Variants in PTPN12 observed in about 807,000 individuals in gnomAD.
The protein encoded by PTPN12 is protein tyrosine phosphatase non-receptor type 12.
Under a neutral mutation model 97.6 loss-of-function variants are expected in PTPN12, and 29 were observed. That is an observed-to-expected ratio of 0.30 (90% CI 0.22 to 0.41). The LOEUF (loss-of-function observed/expected upper bound fraction) is 0.41, where lower values mean the gene tolerates loss of function less well. Among genes scored for constraint, PTPN12 ranks in the 10% least tolerant of loss-of-function variants. The probability of loss-of-function intolerance (pLI) is 1.00; values close to 1 mark genes in which losing one functional copy is unlikely to be tolerated. For synonymous variants in PTPN12, 327 were observed against 300.4 expected (o/e 1.09, Z -0.91); for missense variants, 819 against 926.0 (o/e 0.88, Z 1.50).
intron 11 of PTPN12, among the ~76,000 whole-genome samples, chr7:77,611,357 TC>T (rs1189718774): frequency 6.6e-6 from 1 of 152,252 alleles, no homozygotes; most frequent in Non-Finnish European, 1.5e-5. Context: ...ACTCTTCCCT[TC>T]CACCCCCACC....
intron 1 of PTPN12, among the ~76,000 whole-genome samples, chr7:77,559,187 T>C (rs750917471): frequency 6.6e-6 from 1 of 152,260 alleles, no homozygotes; most frequent in Non-Finnish European, 1.5e-5. Flanking sequence ...TCACACATGT[T>C]GTCACAACTT....
chr7:77,635,925 AAT>A, intron 15 of PTPN12, 76 bp downstream of exon 15: 1 of 937,488 alleles, frequency 1.1e-6, no homozygotes, highest in East Asian at 2.8e-5. Flanking sequence ...CAGTTGTTGA[AAT>A]AGCTGTCATC....
chr7:77,561,592 T>C (rs1235541695), intron 1 of PTPN12, among the ~76,000 whole-genome samples: 2 of 152,152 alleles, frequency 1.3e-5, no homozygotes, highest in Non-Finnish European at 2.9e-5. Context: ...CAAGTGACTC[T>C]TCCTGTGCTA....
chr7:77,584,862 G>A (rs1040737878), intron 4 of PTPN12, among the ~76,000 whole-genome samples: 2 of 150,488 alleles, frequency 1.3e-5, no homozygotes, highest in Non-Finnish European at 2.9e-5. Context: ...GGGCGACAGA[G>A]CGAGACTCCG....
At chr7:77,546,680 A>G (rs1250266964) in intron 1 of PTPN12, among the ~76,000 whole-genome samples, 2 of 152,202 alleles carry the variant, frequency 1.3e-5, no homozygotes, top group Admixed American at 6.5e-5. Flanking sequence ...TCACACTGCT[A>G]TGAAGAACTG....
intron 8 of PTPN12, 112 bp from the exon 9 acceptor site, chr7:77,607,123 G>A (rs1277189824): frequency 2.4e-6 from 2 of 836,710 alleles, no homozygotes; most frequent in Admixed American, 5.8e-5. Context: ...GTAGAATTTT[G>A]TCAAACTTCT....
rs1806707956 is a variant in PTPN12 at position 77,537,487 on chromosome 7, C to G, written c.-60C>G. The G allele has an allele frequency of 1.1e-5, 13 of 1,218,588 alleles. No individual in the cohort carries two copies. The highest frequency in any genetic ancestry group is 1.3e-5 in the Non-Finnish European group (12 of 947,188). 75.5% of individuals were successfully genotyped at this position (1,218,588 alleles called of 1,614,324 possible). Reference sequence around the variant, plus strand: ...CGAGCTGGGGAAGACGGAGCGGGCTCTGTGCCGGGCGGGCGGGCGGCGGGG... The same window carrying G: ...CGAGCTGGGGAAGACGGAGCGGGCTGTGTGCCGGGCGGGCGGGCGGCGGGG... On this transcript the variant is annotated 5_prime_UTR_variant, in exon 1 of 18. Coordinates refer to ENST00000248594, the MANE Select transcript of PTPN12 (RefSeq NM_002835.4).
chr7:77,615,406 A>C (rs1788714197), intron 11 of PTPN12, among the ~76,000 whole-genome samples: 1 of 152,190 alleles, frequency 6.6e-6, no homozygotes, highest in Admixed American at 6.5e-5. Flanking sequence ...TTATATGGAA[A>C]ATAACAGTAC....
chr7:77,571,842 G>C (rs1787153799), intron 2 of PTPN12, among the ~76,000 whole-genome samples: 2 of 152,090 alleles, frequency 1.3e-5, no homozygotes, highest in Non-Finnish European at 2.9e-5. Flanking sequence ...ACAGGTGTGA[G>C]CCACTGCGCC....
At chr7:77,554,560 C>A (rs906143106) in intron 1 of PTPN12, among the ~76,000 whole-genome samples, 2 of 152,046 alleles carry the variant, frequency 1.3e-5, no homozygotes, top group East Asian at 3.9e-4. Context: ...TTTATTCTTT[C>A]TCTCATTTCT....
intron 5 of PTPN12, among the ~76,000 whole-genome samples, chr7:77,590,256 A>G (rs1475196202): frequency 2.0e-5 from 3 of 152,186 alleles, no homozygotes; most frequent in Non-Finnish European, 4.4e-5. Flanking sequence ...GTACCAATAT[A>G]ATCTTATTAC....
chr7:77,544,367 A>G (rs147909899), intron 1 of PTPN12, among the ~76,000 whole-genome samples: 177 of 152,298 alleles, frequency 1.2e-3, no homozygotes, highest in African/African-American at 4.0e-3. Context: ...TTTCTTATCC[A>G]TCCTTTGATG....
At chr7:77,580,568 G>T (rs1356917493) in intron 2 of PTPN12, among the ~76,000 whole-genome samples, 1 of 151,848 alleles carries the variant, frequency 6.6e-6, no homozygotes, top group African/African-American at 2.4e-5. Flanking sequence ...GGCAGGGGAG[G>T]CTTACTTTTC....
chr7:77,623,292 C>G (rs761187570), intron 12 of PTPN12, among the ~76,000 whole-genome samples: 11 of 152,092 alleles, frequency 7.2e-5, no homozygotes, highest in Non-Finnish European at 1.3e-4. Context: ...ATATCATACT[C>G]GATATCTGTC....
intron 5 of PTPN12, among the ~76,000 whole-genome samples, chr7:77,588,752 T>G (rs1013330624): frequency 3.9e-5 from 6 of 152,194 alleles, no homozygotes; most frequent in African/African-American, 1.4e-4. Context: ...GTGTTGTAAC[T>G]AGAATGCTAT....
intron 1 of PTPN12, among the ~76,000 whole-genome samples, chr7:77,555,442 T>G (rs1807664888): frequency 6.6e-6 from 1 of 152,152 alleles, no homozygotes. Context: ...CCCACAGTTT[T>G]TGCATATTCC....
Position 77,571,337 on chromosome 7 carries a change from T to G in PTPN12, c.208+151T>G, listed in dbSNP as rs1787124076. The G allele has an allele frequency of 5.3e-6, 3 of 567,580 alleles. No individual in the cohort carries two copies. The African/African-American group carries it at 6.0e-5, about 11-fold the overall frequency. 35.2% of individuals were successfully genotyped at this position (567,580 alleles called of 1,614,324 possible). On this transcript the variant is annotated intron_variant, in intron 2 of 17. Transcript: ENST00000248594. ...ATGGAAAGATAATAATTCATAATTG[T>G]GCTTTTTGTTTTTCCTTCTGATCCT...
At chr7:77,550,818 GC>G (rs1807445537) in intron 1 of PTPN12, among the ~76,000 whole-genome samples, 1 of 152,150 alleles carries the variant, frequency 6.6e-6, no homozygotes, top group Admixed American at 6.5e-5. Context: ...TCTTTCCTTG[GC>G]CCTCCAGAAA....
chr7:77,631,923 T>C (rs1294256273), intron 13 of PTPN12, among the ~76,000 whole-genome samples: 1 of 152,232 alleles, frequency 6.6e-6, no homozygotes, highest in Non-Finnish European at 1.5e-5. Context: ...TGTTACATAG[T>C]ATGGCAAAAA....
Sources: allele counts gnomAD v4.1 joint callset (sites outside exome capture counted in the v4.1 genomes callset), GRCh38; gene constraint gnomAD v4.1.1; transcripts MANE v1.5; gene names NCBI Gene and HGNC (gene_info 2026-07-23, HGNC 2026-07-21).